The following MDGA2 variants were observed in gnomAD, a reference collection of about 807,000 sequenced individuals.
The protein encoded by MDGA2 is MAM domain-containing glycosylphosphatidylinositol anchor protein 2.
Under a neutral mutation model 117.8 loss-of-function variants are expected in MDGA2, and 40 were observed. That is an observed-to-expected ratio of 0.34 (90% CI 0.26 to 0.44). The LOEUF is 0.44. Among genes scored for constraint, MDGA2 ranks in the 20% least tolerant of loss-of-function variants. The pLI is 1.00. For missense variants in MDGA2, 1,123 were observed against 1,250.6 expected (o/e 0.90, Z 1.54); for synonymous variants, 452 against 439.0 (o/e 1.03, Z -0.37).
At chr14:47,294,864 T>C (rs1289799665) in intron 2 of MDGA2, among the ~76,000 whole-genome samples, 2 of 152,204 alleles carry the variant, frequency 1.3e-5, no homozygotes, top group Non-Finnish European at 1.5e-5. Flanking sequence ...AGATTACCAT[T>C]TGAGAATCTG....
intron 8 of MDGA2, among the ~76,000 whole-genome samples, chr14:46,977,138 C>T (rs1394303521): frequency 6.6e-6 from 1 of 151,704 alleles, no homozygotes; most frequent in Admixed American, 6.6e-5. Context: ...TTAGAGTACA[C>T]ATGACTATAT....
At chr14:47,575,133 CATT>C (rs1395516366) in intron 1 of MDGA2, among the ~76,000 whole-genome samples, 17 of 152,122 alleles carry the variant, frequency 1.1e-4, no homozygotes, top group African/African-American at 3.4e-4. Flanking sequence ...AATTTCTAAT[CATT>C]GTGTCCATTT....
intron 5 of MDGA2, among the ~76,000 whole-genome samples, chr14:47,116,958 A>C (rs1029914286): frequency 7.9e-5 from 12 of 151,922 alleles, no homozygotes; most frequent in African/African-American, 2.9e-4. Flanking sequence ...AAAAAAATAG[A>C]GTGAAAAGAC....
chr14:46,868,149 G>GGTCAGT (rs1881852288), intron 14 of MDGA2, among the ~76,000 whole-genome samples: 1 of 151,726 alleles, frequency 6.6e-6, no homozygotes, highest in Non-Finnish European at 1.5e-5. Context: ...ATTTTACAGG[G>GGTCAGT]GTCAGTGTGA....
intron 3 of MDGA2, among the ~76,000 whole-genome samples, chr14:47,214,174 G>C (rs1885999949): frequency 6.6e-6 from 1 of 152,062 alleles, no homozygotes; most frequent in African/African-American, 2.4e-5. Flanking sequence ...TGAGATTTGT[G>C]TGGGCATGGG....
At chr14:47,597,993 T>A (rs1896579044) in intron 1 of MDGA2, among the ~76,000 whole-genome samples, 2 of 152,000 alleles carry the variant, frequency 1.3e-5, no homozygotes, top group African/African-American at 2.4e-5. Flanking sequence ...AAAGTGTCTA[T>A]AAGACATAGT....
chr14:47,612,145 C>G (rs1210049744), intron 1 of MDGA2, among the ~76,000 whole-genome samples: 1 of 151,922 alleles, frequency 6.6e-6, no homozygotes, highest in Admixed American at 6.6e-5. Flanking sequence ...ATTCTGTACC[C>G]AAATTCTACT....
At chr14:47,228,678 G>T (rs989147345) in intron 2 of MDGA2, among the ~76,000 whole-genome samples, 7 of 152,108 alleles carry the variant, frequency 4.6e-5, no homozygotes, top group Non-Finnish European at 8.8e-5. Context: ...AGAAGCATAT[G>T]TATAGTAATA....
intron 8 of MDGA2, among the ~76,000 whole-genome samples, chr14:47,022,169 T>C (rs11157535): frequency 0.2 from 29,680 of 152,060 alleles, 3,175 homozygotes; most frequent in African/African-American, 0.25. Context: ...ACTGCAGCCC[T>C]GACCTCCACA....
intron 4 of MDGA2, among the ~76,000 whole-genome samples, chr14:47,139,097 CAA>C (rs1467632660): frequency 6.6e-6 from 1 of 151,934 alleles, no homozygotes; most frequent in African/African-American, 2.4e-5. Flanking sequence ...TTATTAAAAA[CAA>C]GACATTATTA....
intron 5 of MDGA2, 130 bp from the exon 6 acceptor site, chr14:47,097,253 G>A (rs1880029755): frequency 1.1e-6 from 1 of 878,216 alleles, no homozygotes. Flanking sequence ...AAATCATACT[G>A]TATTACTCAA....
At chr14:47,381,241 T>C (rs948196564) in intron 1 of MDGA2, among the ~76,000 whole-genome samples, 3 of 152,052 alleles carry the variant, frequency 2.0e-5, no homozygotes, top group African/African-American at 2.4e-5. Context: ...ATGACAAACC[T>C]ATAGCCAATA....
chr14:47,380,037 G>T (rs1891576908), intron 1 of MDGA2, among the ~76,000 whole-genome samples: 2 of 152,166 alleles, frequency 1.3e-5, no homozygotes, highest in African/African-American at 4.8e-5. Flanking sequence ...AGACCACAGT[G>T]CAATCAAACT....
chr14:47,618,948 G>C (rs1179455898), intron 1 of MDGA2, among the ~76,000 whole-genome samples: 1 of 151,844 alleles, frequency 6.6e-6, no homozygotes, highest in African/African-American at 2.4e-5. Flanking sequence ...ATGGTGGTCA[G>C]ATGTGACCCA....
intron 1 of MDGA2, among the ~76,000 whole-genome samples, chr14:47,386,009 G>T (rs779821327): frequency 6.6e-6 from 1 of 152,066 alleles, no homozygotes; most frequent in African/African-American, 2.4e-5. Flanking sequence ...AGCCAGGCGC[G>T]GTGGCTCACA....
intron 3 of MDGA2, among the ~76,000 whole-genome samples, chr14:47,168,305 A>AAC (rs1883974233): frequency 6.6e-6 from 1 of 151,142 alleles, no homozygotes; most frequent in African/African-American, 2.4e-5. Context: ...AAAAAAAAAA[A>AAC]CCTTAACATC....
At chr14:47,644,172 T>A (rs575831866) in intron 1 of MDGA2, among the ~76,000 whole-genome samples, 2 of 152,244 alleles carry the variant, frequency 1.3e-5, no homozygotes, top group South Asian at 4.1e-4. Context: ...CACACTCTAA[T>A]CCCTAAAAGC....
chr14:47,330,714 A>G (rs559429500), intron 1 of MDGA2, among the ~76,000 whole-genome samples: 1 of 152,022 alleles, frequency 6.6e-6, no homozygotes, highest in African/African-American at 2.4e-5. Flanking sequence ...GCCACCAAAA[A>G]AAAAGAAATC....
intron 4 of MDGA2, among the ~76,000 whole-genome samples, chr14:47,138,733 A>C (rs1469570896): frequency 6.6e-6 from 1 of 152,128 alleles, no homozygotes; most frequent in Non-Finnish European, 1.5e-5. Flanking sequence ...ATCAGTAAAA[A>C]CTAAAGTCTG....
Sources: allele counts gnomAD v4.1 joint callset (sites outside exome capture counted in the v4.1 genomes callset), GRCh38; gene constraint gnomAD v4.1.1; transcripts MANE v1.5; gene names NCBI Gene and HGNC (gene_info 2026-07-23, HGNC 2026-07-21).